FRMD4B: variants seen among roughly 807,000 people sequenced by gnomAD.
FRMD4B encodes FERM domain containing 4B.
In FRMD4B, 74 loss-of-function variants were observed where a neutral mutation model predicts 141.5. That is an observed-to-expected ratio of 0.52 (90% CI 0.43 to 0.63). FRMD4B has a LOEUF of 0.63. FRMD4B is among the 30% of genes least tolerant of loss of function. The pLI is 0.00. For synonymous variants in FRMD4B, 506 were observed against 467.9 expected, an observed-to-expected ratio of 1.08 and a Z score of -1.05; for missense variants, 1,366 against 1,253.4, an observed-to-expected ratio of 1.09 and a Z score of -1.36.
At chr3:69,442,673 C>T (rs1227266482) in intron 1 of FRMD4B, among the ~76,000 whole-genome samples, 5 of 152,170 alleles carry the variant, frequency 3.3e-5, no homozygotes, top group Admixed American at 2.0e-4. Flanking sequence ...TGGAGCCATA[C>T]GTGCACCCAC....
chr3:69,390,931 C>A (rs996596642), upstream of FRMD4B, among the ~76,000 whole-genome samples: 3 of 152,010 alleles, frequency 2.0e-5, no homozygotes, highest in Non-Finnish European at 2.9e-5. Flanking sequence ...AATGCTACAC[C>A]CTGTTCTTCC....
chr3:69,482,080 G>A (rs1023604001), intron 1 of FRMD4B, among the ~76,000 whole-genome samples: 8 of 152,116 alleles, frequency 5.3e-5, no homozygotes, highest in East Asian at 3.9e-4. Flanking sequence ...AATTCTGTTT[G>A]GGGACAAAAA....
At chr3:69,503,225 C>CAT (rs1559547691) in intron 1 of FRMD4B, among the ~76,000 whole-genome samples, 1 of 152,144 alleles carries the variant, frequency 6.6e-6, no homozygotes, top group Non-Finnish European at 1.5e-5. Context: ...GCTATAAAGA[C>CAT]ATATGCACAC....
At chr3:69,301,051 T>G (rs1202834342) in intron 4 of FRMD4B, among the ~76,000 whole-genome samples, 2 of 151,700 alleles carry the variant, frequency 1.3e-5, no homozygotes, top group African/African-American at 4.9e-5. Flanking sequence ...CAACCCAAAT[T>G]TTAATAACAA....
At chr3:69,263,979 C>A (rs1034613343) in intron 5 of FRMD4B, among the ~76,000 whole-genome samples, 2 of 151,784 alleles carry the variant, frequency 1.3e-5, no homozygotes, top group African/African-American at 2.4e-5. Context: ...GCACACACCC[C>A]CAAGCCCTGC....
chr3:69,303,163 G>A (rs1189622846), intron 3 of FRMD4B, among the ~76,000 whole-genome samples: 2 of 73,306 alleles, frequency 2.7e-5, no homozygotes, highest in African/African-American at 6.3e-5. Flanking sequence ...CATAAAATAG[G>A]CTGAAGAACA....
At chr3:69,460,507 T>G (rs1463436494) in intron 1 of FRMD4B, among the ~76,000 whole-genome samples, 4 of 152,196 alleles carry the variant, frequency 2.6e-5, no homozygotes, top group Non-Finnish European at 4.4e-5. Context: ...CAAATTGTCA[T>G]CAGTAATTCC....
At chr3:69,285,024 G>A (rs752894205) in intron 5 of FRMD4B, among the ~76,000 whole-genome samples, 10 of 152,046 alleles carry the variant, frequency 6.6e-5, no homozygotes, top group Admixed American at 3.3e-4. Flanking sequence ...TTAGCCAGGT[G>A]TGTTGGCACA....
At chr3:69,423,331 T>C (rs1705015242) in intron 2 of FRMD4B, among the ~76,000 whole-genome samples, 1 of 151,922 alleles carries the variant, frequency 6.6e-6, no homozygotes, top group Non-Finnish European at 1.5e-5. Flanking sequence ...GAGGTATTTT[T>C]GCAATCATTC....
In FRMD4B at chr3:69,255,494, G is replaced by A. The variant is rs1244387494; in HGVS notation, c.502-5395C>T. 2.0e-5 allele frequency among the ~76,000 whole-genome samples: 3 copies of A among 152,108 alleles called. No homozygotes were observed. The East Asian group carries it at 5.8e-4, about 29-fold the overall frequency. On this transcript the variant is annotated intron_variant, in intron 5 of 22. Transcript: ENST00000398540. ...CAGGAATTCAAGGCTGCAGTGAGCT[G>A]TGATTGTGCCACTGCACTCCAGCTT...
intron 1 of FRMD4B, among the ~76,000 whole-genome samples, chr3:69,482,717 T>G (rs578137875): frequency 2.0e-5 from 3 of 152,344 alleles, no homozygotes; most frequent in African/African-American, 4.8e-5. Context: ...GAAGTACATC[T>G]TTCGTCCAGG....
At chr3:69,322,930 G>A (rs1400149657) in intron 1 of FRMD4B, 1 of 364,032 alleles carries the variant, frequency 2.7e-6, no homozygotes, top group Non-Finnish European at 3.8e-6. Context: ...AGTGCACAGA[G>A]GTTAAGTGGT....
rs77789721 is a variant in FRMD4B, at chr3:69,448,950, G to A, written c.-128-16189C>T. Reference sequence around the variant, plus strand: ...GGTAGAAGCTAGCAAAGAAGGAAAAGGCTTTGCTCTCTTTATTTCCATTCC... The same window carrying A: ...GGTAGAAGCTAGCAAAGAAGGAAAAAGCTTTGCTCTCTTTATTTCCATTCC... On this transcript the variant is annotated intron_variant, in intron 1 of 5. Transcript: ENST00000459638. Among the ~76,000 whole-genome samples, 871 of 152,246 alleles carry A rather than the reference G, an allele frequency of 5.7e-3. 10 individuals carry two copies. The highest frequency in any genetic ancestry group is 0.02 in the African/African-American group (824 of 41,530).
chr3:69,441,947 T>C (rs1462536421), intron 1 of FRMD4B, among the ~76,000 whole-genome samples: 1 of 152,210 alleles, frequency 6.6e-6, no homozygotes, highest in African/African-American at 2.4e-5. Flanking sequence ...ACAGTGAAAG[T>C]GCCACTGTCT....
intron 2 of FRMD4B, among the ~76,000 whole-genome samples, chr3:69,419,424 G>T (rs933675576): frequency 1.3e-5 from 2 of 152,114 alleles, no homozygotes; most frequent in African/African-American, 4.8e-5. Flanking sequence ...CCACTCATAG[G>T]TCCAGGCTTA....
intron 11 of FRMD4B, among the ~76,000 whole-genome samples, chr3:69,209,512 G>A (rs936823867): frequency 6.6e-6 from 1 of 152,152 alleles, no homozygotes; most frequent in Non-Finnish European, 1.5e-5. Flanking sequence ...CAGCAGACAA[G>A]AGTTATCTCA....
Position 69,195,039 on chromosome 3 carries a change from A to T in FRMD4B, c.1471T>A (p.Leu491Met). Residue 491 changes from leucine (L) to methionine (M), a missense_variant, in exon 16 of 23, where the codon TTG becomes ATG. Transcript: ENST00000398540. Reference protein sequence around the residue: ...VGTAFKLDDNLLPSEEDPALQ... With the variant: ...VGTAFKLDDNMLPSEEDPALQ... ...GTTCATACTTCTTCACTCGGCAGCA[A>T]GTTGTCATCTAATTTGAACGCAGTA... 6.2e-7 allele frequency: 1 copy of T among 1,613,782 alleles called. No individual in the cohort carries two copies. Among genetic ancestry groups the T allele is most frequent in the Non-Finnish European group, 8.5e-7 (1 of 1,179,710 alleles).
At chr3:69,245,343 G>GT (rs1247686676) in intron 7 of FRMD4B, among the ~76,000 whole-genome samples, 1 of 149,356 alleles carries the variant, frequency 6.7e-6, no homozygotes, top group African/African-American at 2.6e-5. Flanking sequence ...GTGTGTGTGT[G>GT]TGTGTGTGTG....
chr3:69,176,336 T>C (rs1342567399), intron 22 of FRMD4B, among the ~76,000 whole-genome samples, 188 bp downstream of exon 22: 2 of 152,176 alleles, frequency 1.3e-5, no homozygotes, highest in Admixed American at 6.5e-5. Context: ...ATAGAGAACA[T>C]GTAAGTGAAT....
Sources: allele counts gnomAD v4.1 joint callset (sites outside exome capture counted in the v4.1 genomes callset), GRCh38; gene constraint gnomAD v4.1.1; transcripts MANE v1.5; gene names NCBI Gene and HGNC (gene_info 2026-07-23, HGNC 2026-07-21).